Variants in CSMD1 observed in about 807,000 individuals in gnomAD.
The protein encoded by CSMD1 is CUB and Sushi multiple domains 1.
Under a neutral mutation model 417.5 loss-of-function variants are expected in CSMD1, and 213 were observed. The ratio of observed to expected loss-of-function variants is 0.51; its 90% CI spans 0.46 to 0.57. The LOEUF (loss-of-function observed/expected upper bound fraction) is 0.57. Ranked by LOEUF, CSMD1 falls within the 20% of genes least tolerant of loss-of-function variation. The pLI, the probability that CSMD1 is intolerant of heterozygous loss-of-function variation, is 0.00. For missense variants in CSMD1, 6,923 were observed against 4,529.7 expected (o/e 1.53, Z -15.17); for synonymous variants, 2,862 against 1,736.8 (o/e 1.65, Z -16.11).
chr8:3,804,909 T>C (rs986327311), intron 5 of CSMD1, among the ~76,000 whole-genome samples: 12 of 152,170 alleles, frequency 7.9e-5, no homozygotes, highest in African/African-American at 2.7e-4. Context: ...ATGACTACTT[T>C]AGAGTTTCAG....
At chr8:4,869,004 T>C (rs1481629754) in intron 1 of CSMD1, among the ~76,000 whole-genome samples, 6 of 151,934 alleles carry the variant, frequency 3.9e-5, no homozygotes, top group Non-Finnish European at 7.4e-5. Flanking sequence ...AGATAATATA[T>C]ATACATTTTA....
At chr8:3,662,151 A>G (rs1037035437) in intron 7 of CSMD1, among the ~76,000 whole-genome samples, 4 of 152,216 alleles carry the variant, frequency 2.6e-5, no homozygotes, top group African/African-American at 4.8e-5. Flanking sequence ...GATTTAGGCT[A>G]TAGAGATAGC....
intron 11 of CSMD1, chr8:3,469,039 C>T: frequency 2.6e-6 from 1 of 383,318 alleles, no homozygotes; most frequent in Non-Finnish European, 4.6e-6. Flanking sequence ...TCTATGGCTG[C>T]CAATTCGTGA....
rs147681093 is a variant in CSMD1 at position 4,816,963 on chromosome 8, T to C, written c.85+177369A>G. Among the ~76,000 whole-genome samples the C allele has an allele frequency of 3.3e-5, 5 of 152,222 alleles. No individual in the cohort carries two copies. The East Asian group carries it at 9.7e-4, about 30-fold the overall frequency. On this transcript the variant is annotated intron_variant, in intron 1 of 69. Transcript: ENST00000635120. Reference sequence around the variant, plus strand: ...GAATTGCATTGAAGGACAGCTACCATTTAACAGTAAAGAAAACTGCACCAA... The same window carrying C: ...GAATTGCATTGAAGGACAGCTACCACTTAACAGTAAAGAAAACTGCACCAA...
chr8:3,108,517 C>A, intron 44 of CSMD1, 86 bp downstream of exon 44: 1 of 1,390,908 alleles, frequency 7.2e-7, no homozygotes, highest in South Asian at 1.4e-5. Context: ...CAAGAAACTT[C>A]AGCTGGAAAC....
intron 68 of CSMD1, among the ~76,000 whole-genome samples, chr8:2,946,791 G>C (rs56273910): frequency 0.12 from 17,539 of 152,222 alleles, 1,174 homozygotes; most frequent in Non-Finnish European, 0.14. Context: ...ACAACTGTTT[G>C]ATGAACTACC....
chr8:4,480,901 C>G (rs1434994479), intron 2 of CSMD1, among the ~76,000 whole-genome samples: 1 of 152,188 alleles, frequency 6.6e-6, no homozygotes, highest in Non-Finnish European at 1.5e-5. Flanking sequence ...GGGTACATCC[C>G]TAGTTGTTGA....
intron 3 of CSMD1, among the ~76,000 whole-genome samples, chr8:4,049,211 C>G (rs543410336): frequency 1.3e-5 from 2 of 152,070 alleles, no homozygotes; most frequent in East Asian, 1.9e-4. Flanking sequence ...TCTATCTATT[C>G]TGATACCATA....
chr8:4,031,842 A>G lies in CSMD1; in HGVS notation c.610+63T>C, dbSNP rs190146569. The G allele has an allele frequency of 5.3e-5, 67 of 1,272,306 alleles. No individual in the cohort carries two copies. In the East Asian group the frequency reaches 1.6e-3, roughly 30 times the overall value. The allele number at this position is 1,272,306 out of a possible 1,614,324, so 78.8% of individuals were successfully genotyped here. A position where few individuals can be genotyped will look rare whatever the true frequency, so the allele number is the denominator to read the frequency against. The stretch of plus-strand genomic sequence containing the variant: ...TCATTTAAGTGGAAACTTTCATAAA[A>G]GCATCTCCAAAACCATTGCCCTGCC... On this transcript the variant is annotated intron_variant, in intron 4 of 69. Coordinates refer to ENST00000635120, the MANE Select transcript of CSMD1 (RefSeq NM_033225.6).
chr8:3,043,882 T>G (rs1184064648), intron 50 of CSMD1: 1 of 152,348 alleles, frequency 6.6e-6, no homozygotes, highest in Non-Finnish European at 1.5e-5. Flanking sequence ...CATTCTCAAG[T>G]GATATAGAGC....
intron 5 of CSMD1, among the ~76,000 whole-genome samples, chr8:3,889,127 A>G (rs1052803224): frequency 6.6e-6 from 1 of 152,150 alleles, no homozygotes; most frequent in African/African-American, 2.4e-5. Context: ...TTTACTCCCA[A>G]TGATTCAGAT....
At chr8:4,811,386 A>G (rs1314625104) in intron 1 of CSMD1, among the ~76,000 whole-genome samples, 2 of 151,798 alleles carry the variant, frequency 1.3e-5, no homozygotes, top group Non-Finnish European at 2.9e-5. Flanking sequence ...CATTAAAATT[A>G]GTTTTTTTTA....
chr8:4,116,102 G>C (rs536432491), intron 3 of CSMD1, among the ~76,000 whole-genome samples: 1 of 151,712 alleles, frequency 6.6e-6, no homozygotes, highest in African/African-American at 2.4e-5. Flanking sequence ...GGGTTCAAGC[G>C]ATTTTCCTAC....
At chr8:3,046,327 A>C (rs1811440453) in intron 50 of CSMD1, among the ~76,000 whole-genome samples, 1 of 152,026 alleles carries the variant, frequency 6.6e-6, no homozygotes, top group South Asian at 2.1e-4. Context: ...TGAGAGCAAG[A>C]AAGGAGCTAA....
intron 18 of CSMD1, among the ~76,000 whole-genome samples, chr8:3,382,388 TTA>T (rs1418161224): frequency 6.9e-6 from 1 of 145,246 alleles, no homozygotes; most frequent in African/African-American, 2.5e-5. Context: ...TAGTAATTAG[TTA>T]TATATATGTT....
intron 5 of CSMD1, among the ~76,000 whole-genome samples, chr8:3,954,437 G>C (rs1349536127): frequency 4.6e-5 from 7 of 152,138 alleles, no homozygotes; most frequent in African/African-American, 1.7e-4. Flanking sequence ...GGTGATCTCA[G>C]CTCACTGCAA....
At chr8:3,793,034 G>C (rs536184981) in intron 5 of CSMD1, among the ~76,000 whole-genome samples, 156 of 152,208 alleles carry the variant, frequency 1.0e-3, no homozygotes, top group South Asian at 9.8e-3. Flanking sequence ...TCTGAGGATG[G>C]GCGAGTGCTA....
intron 2 of CSMD1, among the ~76,000 whole-genome samples, chr8:4,496,915 T>C (rs1316731852): frequency 1.3e-5 from 2 of 152,000 alleles, no homozygotes; most frequent in Admixed American, 6.5e-5. Context: ...GTTTTGTGAA[T>C]CAAAGAGCGC....
rs879511317 is a variant in CSMD1, at chr8:3,685,699, C to G, written c.1009+22715G>C. ...AAGTCAAAGAAAATCAATGCAATTT[C>G]AAGCCTTAAGATCAGAAGGGTCAAT... On this transcript the variant is annotated intron_variant, in intron 7 of 69. Transcript: ENST00000635120. Among the ~76,000 whole-genome samples, 30 of 151,410 alleles carry G rather than the reference C, an allele frequency of 2.0e-4. 1 individual carries two copies. The highest frequency in any genetic ancestry group is 1.9e-3 in the Admixed American group (28 of 15,024).
Sources: allele counts gnomAD v4.1 joint callset (sites outside exome capture counted in the v4.1 genomes callset), GRCh38; gene constraint gnomAD v4.1.1; transcripts MANE v1.5; gene names NCBI Gene and HGNC (gene_info 2026-07-23, HGNC 2026-07-21).